SLC14A2: variants seen among roughly 807,000 people sequenced by gnomAD.
The protein encoded by SLC14A2 is solute carrier family 14 member 2, also known as urea transporter 2.
In SLC14A2, 91 loss-of-function variants were observed where a neutral mutation model predicts 104.6. That is an observed-to-expected ratio of 0.87 (90% CI 0.73 to 1.04). The LOEUF is 1.04. Ranked by LOEUF, SLC14A2 falls within the 50% of genes least tolerant of loss-of-function variation. The pLI, the probability that SLC14A2 is intolerant of heterozygous loss-of-function variation, is 0.00. For missense variants in SLC14A2, 1,189 were observed against 1,156.0 expected (o/e 1.03, Z -0.41); for synonymous variants, 476 against 466.4 (o/e 1.02, Z -0.27).
At chr18:45,308,544 G>A (rs1011726853) in intron 1 of SLC14A2, among the ~76,000 whole-genome samples, 2 of 152,082 alleles carry the variant, frequency 1.3e-5, no homozygotes, top group Non-Finnish European at 2.9e-5. Context: ...TCTGCATGAG[G>A]TTACCTCTCC....
intron 1 of SLC14A2, among the ~76,000 whole-genome samples, chr18:45,422,778 G>T (rs1568194560): frequency 6.6e-6 from 1 of 152,084 alleles, no homozygotes; most frequent in Non-Finnish European, 1.5e-5. Flanking sequence ...AGCTTTTATA[G>T]GCCACCTCTC....
chr18:45,447,404 C>A (rs114564671), intron 1 of SLC14A2: 4 of 152,222 alleles, frequency 2.6e-5, no homozygotes, highest in African/African-American at 9.6e-5. Flanking sequence ...CAAAACAATT[C>A]AGTGCACTAC....
chr18:45,352,541 A>T (rs1011362143), intron 1 of SLC14A2, among the ~76,000 whole-genome samples: 4 of 152,184 alleles, frequency 2.6e-5, no homozygotes, highest in Admixed American at 2.0e-4. Context: ...CTCGGGCTAG[A>T]TTCCACAGAT....
intron 4 of SLC14A2, 107 bp downstream of exon 4, chr18:45,627,254 C>T (rs2045274303): frequency 2.1e-6 from 2 of 961,098 alleles, no homozygotes; most frequent in African/African-American, 1.6e-5. Context: ...GCCAAAGTCT[C>T]CTGAGTATCA....
At chr18:45,179,563 C>T in the SLC14A2 span, among the ~76,000 whole-genome samples, 4 of 152,152 alleles carry the variant, frequency 2.6e-5, no homozygotes, top group South Asian at 2.1e-4. Context: ...TTTAAAAATT[C>T]TCCTAAACAT....
chr18:45,261,166 C>T (rs1017872537), intron 1 of SLC14A2, among the ~76,000 whole-genome samples: 1 of 151,332 alleles, frequency 6.6e-6, no homozygotes, highest in East Asian at 2.0e-4. Flanking sequence ...CTCCCCCCTG[C>T]CCCCACCCCA....
intron 1 of SLC14A2, among the ~76,000 whole-genome samples, chr18:45,433,971 T>C (rs2086557821): frequency 6.6e-6 from 1 of 152,220 alleles, no homozygotes; most frequent in Non-Finnish European, 1.5e-5. Flanking sequence ...TCATAATACT[T>C]ACTCAGGGCT....
chr18:45,494,843 C>T (rs895495929), intron 2 of SLC14A2, among the ~76,000 whole-genome samples: 2 of 151,918 alleles, frequency 1.3e-5, no homozygotes, highest in Non-Finnish European at 2.9e-5. Flanking sequence ...GAGACAGCAC[C>T]TTCCAGCCCG....
Position 45,667,053 on chromosome 18 carries a change from A to G in SLC14A2, c.1676A>G (p.Tyr559Cys), listed in dbSNP as rs1490324281. 1 of 1,613,736 alleles carries G rather than the reference A, an allele frequency of 6.2e-7. No individual in the cohort carries two copies. Among genetic ancestry groups the G allele is most frequent in the Non-Finnish European group, 8.5e-7 (1 of 1,179,772 alleles). The change falls in exon 13 of 20, where the codon TAC (tyrosine) becomes TGC (cysteine). Residue 559 changes from tyrosine to cysteine, a missense_variant. By Grantham distance (194) the Tyr-to-Cys change is radical. Coordinates refer to ENST00000255226, the MANE Select transcript of SLC14A2 (RefSeq NM_007163.4). The stretch of plus-strand genomic sequence containing the variant: ...AAAAGGGTCAGCAAAGCCCTCAGCT[A>G]CATCACAGGAGAGATGAAGGAGTGT... ...SGKRVSKALSYITGEMKECGE... is the reference protein window; with the variant it reads ...SGKRVSKALSCITGEMKECGE...
intron 2 of SLC14A2, among the ~76,000 whole-genome samples, chr18:45,574,541 A>G (rs2044393800): frequency 6.6e-6 from 1 of 152,200 alleles, no homozygotes; most frequent in South Asian, 2.1e-4. Flanking sequence ...GGTTGACACA[A>G]TAGACCAACA....
chr18:45,667,783 G>A, intron 13 of SLC14A2, 50 bp from the exon 14 acceptor site: 1 of 1,517,270 alleles, frequency 6.6e-7, no homozygotes, highest in African/African-American at 1.4e-5. Context: ...GCCCACCCAG[G>A]GCTGCCCACA....
chr18:45,502,898 C>A (rs1032333175), intron 2 of SLC14A2, among the ~76,000 whole-genome samples: 1 of 151,396 alleles, frequency 6.6e-6, no homozygotes, highest in Admixed American at 6.6e-5. Flanking sequence ...CCTATGTGTC[C>A]TATGTGTCCT....
intron 1 of SLC14A2, among the ~76,000 whole-genome samples, chr18:45,218,307 T>A (rs957992268): frequency 1.3e-5 from 2 of 152,260 alleles, no homozygotes; most frequent in African/African-American, 4.8e-5. Context: ...CAAAACATCT[T>A]TAAATTTCAT....
chr18:45,261,261 G>T (rs946513661), intron 1 of SLC14A2, among the ~76,000 whole-genome samples: 3 of 151,732 alleles, frequency 2.0e-5, no homozygotes, highest in African/African-American at 7.3e-5. Context: ...AGAACATGCG[G>T]GGTTTGGTTT....
At chr18:45,367,497 C>G (rs1200411476) in intron 1 of SLC14A2, among the ~76,000 whole-genome samples, 3 of 152,132 alleles carry the variant, frequency 2.0e-5, no homozygotes, top group Non-Finnish European at 4.4e-5. Flanking sequence ...GGCACATTGA[C>G]CAAATCAGTG....
At chr18:45,353,290 A>G (rs2085520759) in intron 1 of SLC14A2, among the ~76,000 whole-genome samples, 1 of 152,250 alleles carries the variant, frequency 6.6e-6, no homozygotes, top group Non-Finnish European at 1.5e-5. Flanking sequence ...GCCAACAATT[A>G]TACATATCCA....
intron 2 of SLC14A2, among the ~76,000 whole-genome samples, chr18:45,501,889 A>T (rs1249344607): frequency 6.6e-6 from 1 of 152,230 alleles, no homozygotes; most frequent in Non-Finnish European, 1.5e-5. Flanking sequence ...ATCATGGGAC[A>T]TGAGCTCCAA....
At position 45,378,609 on chromosome 18, in the gene SLC14A2, A is replaced by G. The variant is rs185157382; in HGVS notation, c.-124-104624A>G. On this transcript the variant is annotated intron_variant, in intron 1 of 20. Coordinates refer to the SLC14A2 transcript ENST00000586448. ...CCACATTTTGCTAACACTCCATAAG[A>G]CTTAAAAAATTAGTTTGTATTACCG... is the stretch of plus-strand genomic sequence containing the variant. 2.6e-5 allele frequency among the ~76,000 whole-genome samples: 4 copies of G among 152,314 alleles called. No individual in the cohort carries two copies. In the East Asian group the frequency reaches 7.7e-4, roughly 29 times the overall value.
chr18:45,470,194 G>A (rs1473420720), intron 1 of SLC14A2, among the ~76,000 whole-genome samples: 1 of 152,044 alleles, frequency 6.6e-6, no homozygotes, highest in Non-Finnish European at 1.5e-5. Context: ...TTTCAATAAA[G>A]TTTCTATCTT....
Sources: gnomAD v4.1 joint callset for allele counts (sites outside exome capture counted in the v4.1 genomes callset) on GRCh38, gnomAD v4.1.1 for gene constraint, MANE v1.5 for transcripts, NCBI Gene and HGNC (gene_info 2026-07-23, HGNC 2026-07-21) for gene names.